Variants in NAP1L4 observed in about 807,000 individuals in gnomAD.
NAP1L4 encodes the protein nucleosome assembly protein 1 like 4.
Under a neutral mutation model 58.2 loss-of-function variants are expected in NAP1L4, and 15 were observed. The observed-to-expected ratio is 0.26, with a 90% CI of 0.17 to 0.40. The LOEUF (loss-of-function observed/expected upper bound fraction) is 0.40, where lower values mean the gene tolerates loss of function less well. Ranked by LOEUF, NAP1L4 falls within the 10% of genes least tolerant of loss-of-function variation. The probability of loss-of-function intolerance (pLI) is 1.00; values close to 1 mark genes in which losing one functional copy is unlikely to be tolerated. For synonymous variants in NAP1L4, 171 were observed against 155.6 expected (o/e 1.10, Z -0.74); for missense variants, 384 against 451.1 (o/e 0.85, Z 1.35).
chr11:2,965,828 C>T (rs1468913675), intron 7 of NAP1L4, among the ~76,000 whole-genome samples: 1 of 152,216 alleles, frequency 6.6e-6, no homozygotes, highest in Non-Finnish European at 1.5e-5. Context: ...CCGCGCCCGG[C>T]CACACACGGT....
intron 8 of NAP1L4, among the ~76,000 whole-genome samples, chr11:2,964,136 A>C (rs1289460490): frequency 1.3e-5 from 2 of 151,730 alleles, no homozygotes; most frequent in Non-Finnish European, 2.9e-5. Flanking sequence ...TTTTTTTTTT[A>C]GGGTAAAACC....
intron 7 of NAP1L4, among the ~76,000 whole-genome samples, chr11:2,965,287 A>G (rs1461586033): frequency 2.0e-5 from 3 of 152,248 alleles, no homozygotes; most frequent in Non-Finnish European, 4.4e-5. Context: ...GCGTGTGTTC[A>G]TCAGAGCATA....
At position 2,978,325 on chromosome 11, in the gene NAP1L4, G is replaced by A. The variant is rs760363060; in HGVS notation, c.32C>T (p.Pro11Leu). 3.7e-6 allele frequency: 6 copies of A among 1,613,928 alleles called. No individual in the cohort carries two copies. Among genetic ancestry groups the A allele is most frequent in the Non-Finnish European group, 4.2e-6 (5 of 1,179,914 alleles). Residue 11 changes from proline (P) to leucine (L), a missense_variant, in exon 3 of 16, where the codon CCT (proline) becomes CTT (leucine). This residue lies in a region of NAP1L4 where 84 missense variants were observed against 73.7 expected (regional missense o/e 1.14). Transcript: ENST00000380542. ...TTTAGCAGCTTCCACGGAATCTGAAGGAACCCCATCTGAAAAACTAAAACA... is the reference window on the plus strand; with the variant it reads ...TTTAGCAGCTTCCACGGAATCTGAAAGAACCCCATCTGAAAAACTAAAACA... MADHSFSDGVPSDSVEAAKNA... is the reference protein window; with the variant it reads MADHSFSDGVLSDSVEAAKNA...
At chr11:2,982,793 C>A (rs1168313295) in intron 1 of NAP1L4, among the ~76,000 whole-genome samples, 1 of 152,092 alleles carries the variant, frequency 6.6e-6, no homozygotes. Flanking sequence ...GAGGCCAAGG[C>A]GGGCAGATCA....
Position 2,951,885 on chromosome 11 carries a change from G to C in NAP1L4, c.1036-76C>G. The stretch of plus-strand genomic sequence containing the variant: ...CTGCCCAAGACACCAGTCCCATCAA[G>C]TGACTCACTGACCAAGCCTAAGAGG... On this transcript the variant is annotated intron_variant, in intron 12 of 15. Transcript: ENST00000380542. This position sits in a 1 kb window ranked among gnomAD's most constrained non-coding sequence, Gnocchi z 4.0. The C allele has an allele frequency of 7.1e-7, 1 of 1,413,076 alleles. No homozygotes were observed. The highest frequency in any genetic ancestry group is 1.0e-6 in the Non-Finnish European group (1 of 1,001,606). The allele number at this position is 1,413,076 out of a possible 1,614,324, so 87.5% of individuals were successfully genotyped here.
At position 2,951,630 on chromosome 11, in the gene NAP1L4, G is replaced by C; in HGVS notation, c.1065+150C>G. 1.2e-5 allele frequency: 9 copies of C among 764,438 alleles called. No homozygotes were observed. In the South Asian group the frequency reaches 1.5e-4, roughly 12 times the overall value. 47.4% of individuals were successfully genotyped at this position (764,438 alleles called of 1,614,324 possible). On this transcript the variant is annotated intron_variant, in intron 13 of 15. Transcript: ENST00000380542. The surrounding 1 kb of genome is among the most constrained non-coding windows in gnomAD (Gnocchi z 4.0). ...GTCACAGCATTTGCTATGCATTTCT[G>C]CTTAGTGTTTTAAGAACATTCTTAG...
At position 2,944,870 on chromosome 11, in the gene NAP1L4, G is replaced by A. The variant is rs748904159; in HGVS notation, c.*809C>T. ...GCGGCGTTTCTTCCGCACAGGCCTTGCGCCTGCTAGGAAGTGGCACATCTT... is the reference window on the plus strand; with the variant it reads ...GCGGCGTTTCTTCCGCACAGGCCTTACGCCTGCTAGGAAGTGGCACATCTT... On this transcript the variant is annotated 3_prime_UTR_variant, in exon 16 of 16. Coordinates refer to ENST00000380542, the MANE Select transcript of NAP1L4 (RefSeq NM_005969.4). 6.6e-6 allele frequency: 1 copy of A among 152,248 alleles called. No homozygotes were observed. Among genetic ancestry groups the A allele is most frequent in the Non-Finnish European group, 1.5e-5 (1 of 68,052 alleles). The allele number at this position is 152,248 out of a possible 1,614,324, so 9.4% of individuals were successfully genotyped here.
rs552550726 is a variant in NAP1L4, at chr11:2,965,771, C to T, written c.535-1020G>A. Among the ~76,000 whole-genome samples, 4 of 152,258 alleles carry T rather than the reference C, an allele frequency of 2.6e-5. No homozygotes were observed. In the South Asian group the frequency reaches 8.3e-4, roughly 32 times the overall value. Reference sequence around the variant, plus strand: ...GGTCTCGATCTCCTGACCTTGTGATCCACCCACCTCGGCCTCCCAAAGTGC... The same window carrying T: ...GGTCTCGATCTCCTGACCTTGTGATTCACCCACCTCGGCCTCCCAAAGTGC... On this transcript the variant is annotated intron_variant, in intron 7 of 15. Transcript: ENST00000380542.
chr11:2,959,947 AG>A lies in NAP1L4; in HGVS notation c.607-39del, dbSNP rs1178953966. The A allele has an allele frequency of 3.1e-6, 5 of 1,607,404 alleles. No individual in the cohort carries two copies. Among genetic ancestry groups the A allele is most frequent in the African/African-American group, 1.3e-5 (1 of 74,616 alleles). ...ATTCAGAGTAAGCACCAGTTAAAAT[AG>A]AAAAATAACGAGGACAGATTGCTTG... On this transcript the variant is annotated intron_variant, in intron 8 of 15. Coordinates refer to ENST00000380542, the MANE Select transcript of NAP1L4 (RefSeq NM_005969.4). This position sits in a 1 kb window ranked among gnomAD's most constrained non-coding sequence, Gnocchi z 4.9.
At chr11:2,966,836 A>G (rs1847311069) in intron 7 of NAP1L4, among the ~76,000 whole-genome samples, 1 of 152,148 alleles carries the variant, frequency 6.6e-6, no homozygotes. Flanking sequence ...ATGTTTTCCC[A>G]AACTTCATAA....
rs191433271 is a variant in NAP1L4 at position 2,966,109 on chromosome 11, C to G, written c.535-1358G>C. 7.3e-4 allele frequency among the ~76,000 whole-genome samples: 111 copies of G among 152,326 alleles called. 1 individual carries two copies. The East Asian group carries it at 0.02, about 28-fold the overall frequency. On this transcript the variant is annotated intron_variant, in intron 7 of 15. Transcript: ENST00000380542. ...AACATGGCAGTCACTTCTTTACCCC[C>G]AAAGTCTGGGCACTGAATCTCAAAA...
chr11:2,987,483 C>T (rs977587306), intron 1 of NAP1L4, among the ~76,000 whole-genome samples: 3 of 151,016 alleles, frequency 2.0e-5, no homozygotes, highest in African/African-American at 4.9e-5. Flanking sequence ...AGGCTGGGCA[C>T]GGTGGCTCAC....
rs530612082 is a variant in NAP1L4, at chr11:2,946,966, C to A, written c.*33-1320G>T. The stretch of plus-strand genomic sequence containing the variant: ...CAAGCAGTGTGCCTCCACCAAGGGA[C>A]TCGCCTAGAAAATGGGATGTCAGTA... On this transcript the variant is annotated intron_variant, in intron 15 of 15. Coordinates refer to ENST00000380542, the MANE Select transcript of NAP1L4 (RefSeq NM_005969.4). This position sits in a 1 kb window ranked among gnomAD's most constrained non-coding sequence, Gnocchi z 4.8. Among the ~76,000 whole-genome samples, 5 of 152,292 alleles carry A rather than the reference C, an allele frequency of 3.3e-5. No homozygotes were observed. The highest frequency in any genetic ancestry group is 3.3e-4 in the Admixed American group (5 of 15,304).
intron 15 of NAP1L4, among the ~76,000 whole-genome samples, chr11:2,947,019 TG>T (rs1723447682): frequency 6.6e-6 from 1 of 152,188 alleles, no homozygotes; most frequent in Non-Finnish European, 1.5e-5. Flanking sequence ...CGGGGAAGAC[TG>T]GGGCTGGTGA....
chr11:2,962,149 T>G (rs1846962227), intron 8 of NAP1L4, among the ~76,000 whole-genome samples: 1 of 152,228 alleles, frequency 6.6e-6, no homozygotes, highest in South Asian at 2.1e-4. Flanking sequence ...CTTCTTTGAC[T>G]GGTAAGTACA....
At chr11:2,988,032 C>G (rs964998111) in intron 1 of NAP1L4, 1 of 152,218 alleles carries the variant, frequency 6.6e-6, no homozygotes, top group Non-Finnish European at 1.5e-5. Context: ...AGAAACACTG[C>G]CTTAGTCATT....
chr11:2,974,019 C>T (rs1321553417), intron 4 of NAP1L4, among the ~76,000 whole-genome samples: 3 of 152,190 alleles, frequency 2.0e-5, no homozygotes, highest in Non-Finnish European at 4.4e-5. Context: ...CTGCCTGCCT[C>T]GGCCTCCCAA....
rs1296050663 is a variant in NAP1L4, at chr11:2,949,701, TCCA to T, written c.1123-440_1123-438del. ...TTTCATGGGGTGTTAGCATGTGTAA[TCCA>T]CCACATCATGTTCTCTGTAATGGCT... On this transcript the variant is annotated intron_variant, in intron 14 of 15. Transcript: ENST00000380542. This position sits in a 1 kb window ranked among gnomAD's most constrained non-coding sequence, Gnocchi z 4.0. 6.6e-6 allele frequency among the ~76,000 whole-genome samples: 1 copy of T among 152,242 alleles called. No homozygotes were observed. Among genetic ancestry groups the T allele is most frequent in the Non-Finnish European group, 1.5e-5 (1 of 68,032 alleles).
At chr11:2,979,806 T>C (rs1391360857) in intron 1 of NAP1L4, among the ~76,000 whole-genome samples, 1 of 152,104 alleles carries the variant, frequency 6.6e-6, no homozygotes, top group Non-Finnish European at 1.5e-5. Flanking sequence ...AATTATCTTA[T>C]TGGCACTAAA....
Sources: gnomAD v4.1 joint callset for allele counts (sites outside exome capture counted in the v4.1 genomes callset) on GRCh38, gnomAD v4.1.1 for gene constraint, gnomAD v4.1.1 regional missense constraint, Gnocchi (gnomAD v3.1) non-coding constraint, MANE v1.5 for transcripts, NCBI Gene and HGNC (gene_info 2026-07-23, HGNC 2026-07-21) for gene names.